The following C1orf21 variants were observed in gnomAD, a reference collection of about 807,000 sequenced individuals.
The protein encoded by C1orf21 is uncharacterized protein C1orf21.
In C1orf21, 3 loss-of-function variants were observed where a neutral mutation model predicts 18.7. The ratio of observed to expected loss-of-function variants is 0.16; its 90% CI spans 0.07 to 0.42. The LOEUF is 0.42. C1orf21 is among the 10% of genes least tolerant of loss of function. The pLI, the probability that C1orf21 is intolerant of heterozygous loss-of-function variation, is 0.99. For missense variants in C1orf21, 104 were observed against 143.6 expected (o/e 0.72, Z 1.41); for synonymous variants, 41 against 46.4 (o/e 0.88, Z 0.47).
chr1:184,497,655 G>C (rs765854455), intron 2 of C1orf21, among the ~76,000 whole-genome samples: 6 of 152,078 alleles, frequency 3.9e-5, no homozygotes, highest in Admixed American at 6.5e-5. Context: ...AAATTCATTG[G>C]CAGTGCTCAT....
Position 184,623,218 on chromosome 1 carries a change from G to A in C1orf21, c.*3662G>A, listed in dbSNP as rs894023748. ...AAAGAAACATTGTTAAACATGTTGA[G>A]TTTTAAAGGAAGAAATATTTTCAAA... On this transcript the variant is annotated 3_prime_UTR_variant, in exon 6 of 6. Coordinates refer to ENST00000235307, the MANE Select transcript of C1orf21 (RefSeq NM_030806.4). 2 of 152,140 alleles carry A rather than the reference G, an allele frequency of 1.3e-5. No homozygotes were observed. Among genetic ancestry groups the A allele is most frequent in the Admixed American group, 1.3e-4 (2 of 15,268 alleles). 9.4% of individuals were successfully genotyped at this position (152,140 alleles called of 1,614,324 possible). A position where few individuals can be genotyped will look rare whatever the true frequency, so the allele number is the denominator to read the frequency against.
chr1:184,490,600 A>C (rs182149459), intron 2 of C1orf21, among the ~76,000 whole-genome samples: 36 of 152,322 alleles, frequency 2.4e-4, no homozygotes, highest in Admixed American at 8.5e-4. Flanking sequence ...AAATATTTGA[A>C]AATTTTACTC....
At chr1:184,530,265 A>AC (rs1473555759) in intron 3 of C1orf21, among the ~76,000 whole-genome samples, 1 of 152,192 alleles carries the variant, frequency 6.6e-6, no homozygotes, top group Non-Finnish European at 1.5e-5. Flanking sequence ...TGGGCCTTGG[A>AC]CAAGTTATCT....
chr1:184,453,355 C>T lies in C1orf21; in HGVS notation c.-124-24031C>T, dbSNP rs558980870. Among the ~76,000 whole-genome samples, 20 of 152,214 alleles carry T rather than the reference C, an allele frequency of 1.3e-4. 1 individual carries two copies. The South Asian group carries it at 3.9e-3, about 30-fold the overall frequency. ...AAAGCAGTGCTTCTGACGGTTCTGA[C>T]GGTTCTGCTTTTGCTTTACAACTCT... is the stretch of plus-strand genomic sequence containing the variant. On this transcript the variant is annotated intron_variant, in intron 1 of 5. Coordinates refer to ENST00000235307, the MANE Select transcript of C1orf21 (RefSeq NM_030806.4).
intron 1 of C1orf21, among the ~76,000 whole-genome samples, chr1:184,409,416 C>A (rs946115012): frequency 6.6e-6 from 1 of 152,066 alleles, no homozygotes; most frequent in African/African-American, 2.4e-5. Flanking sequence ...GGGAAGATTG[C>A]AGAAAATGAC....
rs1659962338 is a variant in C1orf21, at chr1:184,623,776, C to T, written c.*4220C>T. On this transcript the variant is annotated 3_prime_UTR_variant, in exon 6 of 6. Transcript: ENST00000235307. ...ATAGTATCCTTGACTTTGGCAGTCA[C>T]CTTTTTGTATGTCTCTAGAAAGGGG... 1 of 152,582 alleles carries T rather than the reference C, an allele frequency of 6.6e-6. No homozygotes were observed. The highest frequency in any genetic ancestry group is 1.5e-5 in the Non-Finnish European group (1 of 68,040). The allele number at this position is 152,582 out of a possible 1,614,324, so 9.5% of individuals were successfully genotyped here.
At chr1:184,450,734 T>C (rs1400805450) in intron 1 of C1orf21, among the ~76,000 whole-genome samples, 1 of 152,254 alleles carries the variant, frequency 6.6e-6, no homozygotes. Context: ...TGAAAGGCTT[T>C]ATAAAGGACA....
chr1:184,461,546 C>T (rs1657307709), intron 1 of C1orf21, among the ~76,000 whole-genome samples: 1 of 152,168 alleles, frequency 6.6e-6, no homozygotes, highest in Non-Finnish European at 1.5e-5. Flanking sequence ...GAAAGTCTGG[C>T]TGCTGCATTT....
At chr1:184,390,953 G>T (rs555821208) in intron 1 of C1orf21, among the ~76,000 whole-genome samples, 1 of 152,276 alleles carries the variant, frequency 6.6e-6, no homozygotes, top group East Asian at 1.9e-4. Context: ...AAGAAAGATT[G>T]CGACAGTGAA....
chr1:184,410,656 TA>T (rs1381385747), intron 1 of C1orf21, among the ~76,000 whole-genome samples: 86 of 7,616 alleles, frequency 0.011, 3 homozygotes, highest in Non-Finnish European at 0.014. Context: ...TATATATATA[TA>T]TATATATTTT....
intron 3 of C1orf21, among the ~76,000 whole-genome samples, chr1:184,530,737 G>A (rs1434156526): frequency 2.0e-5 from 3 of 150,084 alleles, no homozygotes; most frequent in Non-Finnish European, 4.4e-5. Context: ...TTTTTATTCA[G>A]CAACTATCCT....
rs1351325124 is a variant in C1orf21, at chr1:184,539,625, T to TAA, written c.189+31943_189+31944insAA. Among the ~76,000 whole-genome samples the TAA allele has an allele frequency of 1.8e-4, 27 of 152,354 alleles. No homozygotes were observed. In the East Asian group the frequency reaches 4.4e-3, roughly 25 times the overall value. ...GTGAAGCAATCAGGCCCAGGACTTT[T>TAA]CACAGCTGCATGTTTTAACCTTTAA... On this transcript the variant is annotated intron_variant, in intron 3 of 5. Transcript: ENST00000235307.
chr1:184,559,537 T>TCCCTCCTTCCCC (rs1248797889), intron 3 of C1orf21, among the ~76,000 whole-genome samples: 1 of 120,400 alleles, frequency 8.3e-6, no homozygotes, highest in African/African-American at 3.6e-5. Context: ...CTTCCTTCCT[T>TCCCTCCTTCCCC]CCTTCCTTCC....
chr1:184,460,617 GTCGTCTTCTTCTTCTTCT>G lies in C1orf21; in HGVS notation c.-124-16766_-124-16749del, dbSNP rs1188092314. 8.5e-3 allele frequency among the ~76,000 whole-genome samples: 987 copies of G among 116,528 alleles called. 19 individuals are homozygous for G. The highest frequency in any genetic ancestry group is 7.3e-3 in the Non-Finnish European group (403 of 54,980). 76.4% of individuals were successfully genotyped at this position (116,528 alleles called of 152,430 possible). On this transcript the variant is annotated intron_variant, in intron 1 of 5. Transcript: ENST00000235307. ...GAGTTGGGCTGTTAGTATTGTCGTC[GTCGTCTTCTTCTTCTTCT>G]TCTTCTTCTTCTTCTTCTTCTTCTT...
At chr1:184,430,626 C>T (rs937493919) in intron 1 of C1orf21, among the ~76,000 whole-genome samples, 6 of 152,136 alleles carry the variant, frequency 3.9e-5, no homozygotes, top group Non-Finnish European at 7.4e-5. Context: ...GTAATTTATA[C>T]GAGGTCGAGA....
At chr1:184,490,643 A>G (rs1042631235) in intron 2 of C1orf21, among the ~76,000 whole-genome samples, 5 of 152,260 alleles carry the variant, frequency 3.3e-5, no homozygotes, top group African/African-American at 1.2e-4. Flanking sequence ...AAAAGCTCAC[A>G]TAGACAATGT....
intron 1 of C1orf21, among the ~76,000 whole-genome samples, chr1:184,436,994 C>T (rs577026932): frequency 4.6e-5 from 7 of 152,124 alleles, no homozygotes; most frequent in Non-Finnish European, 7.4e-5. Flanking sequence ...TTGCTGAGCT[C>T]TGAAGGGTAG....
intron 3 of C1orf21, chr1:184,542,449 G>A (rs1351087668): frequency 2.0e-5 from 3 of 152,186 alleles, no homozygotes; most frequent in African/African-American, 7.2e-5. Flanking sequence ...GTAGTTCACA[G>A]TAGTATTCAC....
intron 3 of C1orf21, among the ~76,000 whole-genome samples, chr1:184,578,253 G>C (rs1287027844): frequency 6.6e-6 from 1 of 152,146 alleles, no homozygotes; most frequent in African/African-American, 2.4e-5. Flanking sequence ...ACCATGCCTG[G>C]CCAGTAGTCA....
Sources: gnomAD v4.1 joint callset for allele counts (sites outside exome capture counted in the v4.1 genomes callset) on GRCh38, gnomAD v4.1.1 for gene constraint, MANE v1.5 for transcripts, NCBI Gene and HGNC (gene_info 2026-07-23, HGNC 2026-07-21) for gene names.